The following DGKI variants were observed in gnomAD, a reference collection of about 807,000 sequenced individuals.
DGKI encodes the protein DAG kinase iota.
A neutral mutation model predicts 147.5 loss-of-function variants in DGKI; 55 were observed. The observed-to-expected ratio is 0.37, with a 90% confidence interval of 0.30 to 0.47. The LOEUF (loss-of-function observed/expected upper bound fraction) is 0.47. DGKI is among the 20% of genes least tolerant of loss of function. The probability of loss-of-function intolerance (pLI) is 1.00; values close to 1 mark genes in which losing one functional copy is unlikely to be tolerated. For synonymous variants in DGKI, 469 were observed against 477.1 expected (o/e 0.98, Z 0.22); for missense variants, 1,007 against 1,323.8 (o/e 0.76, Z 3.71).
chr7:137,632,987 C>A (rs1821186292), intron 6 of DGKI, among the ~76,000 whole-genome samples: 2 of 151,866 alleles, frequency 1.3e-5, no homozygotes, highest in Admixed American at 1.3e-4. Context: ...CCGAGGTGGG[C>A]AGATCACCTG....
At chr7:137,436,887 G>A (rs1435610355) in intron 28 of DGKI, among the ~76,000 whole-genome samples, 2 of 151,958 alleles carry the variant, frequency 1.3e-5, no homozygotes, top group Non-Finnish European at 2.9e-5. Flanking sequence ...AACAGACCAA[G>A]GGGAAAAAAA....
rs1203107084 is a variant in DGKI, at chr7:137,391,229, A to C, written c.3165T>G (p.Thr1055=). The C allele has an allele frequency of 6.2e-7, 1 of 1,613,704 alleles. No homozygotes were observed. The highest frequency in any genetic ancestry group is 1.7e-5 in the Admixed American group (1 of 60,016). The change falls in exon 33 of 33, where the codon ACT becomes ACG. Residue 1055 remains threonine, a synonymous_variant. Coordinates refer to ENST00000614521, the MANE Select transcript of DGKI (RefSeq NM_001321708.2). ...TGCCCGAATACCAGGGTCAAACAGCAGTTTCCAGGTCCTCATGGCCAATGA... is the reference window on the plus strand; with the variant it reads ...TGCCCGAATACCAGGGTCAAACAGCCGTTTCCAGGTCCTCATGGCCAATGA... ...YKVIGHEDLE[T]AV is the part of the protein sequence containing the mutation.
At chr7:137,712,606 T>G (rs1292452553) in intron 1 of DGKI, among the ~76,000 whole-genome samples, 1 of 152,212 alleles carries the variant, frequency 6.6e-6, no homozygotes, top group Non-Finnish European at 1.5e-5. Context: ...CAAATGGTAT[T>G]TAACTGAGAT....
intron 27 of DGKI, among the ~76,000 whole-genome samples, chr7:137,457,417 T>C (rs1018237753): frequency 1.2e-4 from 18 of 152,206 alleles, no homozygotes; most frequent in African/African-American, 4.1e-4. Flanking sequence ...ATAAGCACAA[T>C]TACCCTTTTT....
chr7:137,675,877 A>C (rs1022097077), intron 3 of DGKI, among the ~76,000 whole-genome samples: 2 of 152,150 alleles, frequency 1.3e-5, no homozygotes, highest in African/African-American at 4.8e-5. Context: ...ACAGATAGCA[A>C]GTCACTTCTC....
chr7:137,384,658 A>G lies in DGKI; in HGVS notation c.*6562T>C, dbSNP rs769920217. 2.0e-5 allele frequency: 3 copies of G among 152,040 alleles called. No individual in the cohort carries two copies. Among genetic ancestry groups the G allele is most frequent in the Non-Finnish European group, 4.4e-5 (3 of 67,970 alleles). 9.4% of individuals were successfully genotyped at this position (152,040 alleles called of 1,614,324 possible). Reference sequence around the variant, plus strand: ...CTCGTTGGGGTTGTTTTGAACCCCAACTGAAGCTCAAACATGTCAATACAT... The same window carrying G: ...CTCGTTGGGGTTGTTTTGAACCCCAGCTGAAGCTCAAACATGTCAATACAT... On this transcript the variant is annotated 3_prime_UTR_variant, in exon 33 of 33. Transcript: ENST00000614521.
At chr7:137,769,126 A>G (rs2116840996) in intron 1 of DGKI, among the ~76,000 whole-genome samples, 1 of 152,352 alleles carries the variant, frequency 6.6e-6, no homozygotes, top group African/African-American at 2.4e-5. Flanking sequence ...ACGGAGCCCT[A>G]CTACATGATA....
At chr7:137,391,959 A>C (rs1811381535) in intron 32 of DGKI, among the ~76,000 whole-genome samples, 1 of 152,326 alleles carries the variant, frequency 6.6e-6, no homozygotes, top group South Asian at 2.1e-4. Flanking sequence ...AAAAGCACAA[A>C]GAAGAAAAGG....
chr7:137,662,078 G>A (rs544166017), intron 3 of DGKI, among the ~76,000 whole-genome samples: 1 of 152,240 alleles, frequency 6.6e-6, no homozygotes, highest in South Asian at 2.1e-4. Flanking sequence ...ATTGGCATTA[G>A]GAAAAATGAA....
At chr7:137,527,842 G>C (rs1817205102) in intron 20 of DGKI, among the ~76,000 whole-genome samples, 2 of 152,062 alleles carry the variant, frequency 1.3e-5, no homozygotes, top group South Asian at 4.1e-4. Context: ...TCATAATCTA[G>C]ATATAATAAA....
At chr7:137,777,869 G>A (rs891176671) in intron 1 of DGKI, among the ~76,000 whole-genome samples, 3 of 152,008 alleles carry the variant, frequency 2.0e-5, no homozygotes, top group Admixed American at 6.6e-5. Context: ...GAAGACAAAG[G>A]GAAAATATTT....
chr7:137,816,825 C>A (rs1797751023), intron 1 of DGKI, among the ~76,000 whole-genome samples: 1 of 152,074 alleles, frequency 6.6e-6, no homozygotes, highest in African/African-American at 2.4e-5. Flanking sequence ...ATGATGCAAT[C>A]CAAATGTAAA....
At chr7:137,535,583 G>A (rs1563073289) in intron 20 of DGKI, among the ~76,000 whole-genome samples, 1 of 151,666 alleles carries the variant, frequency 6.6e-6, no homozygotes, top group Non-Finnish European at 1.5e-5. Flanking sequence ...CTTATTCCCT[G>A]CACACTCAAG....
At chr7:137,405,952 G>A (rs1811930790) in intron 30 of DGKI, among the ~76,000 whole-genome samples, 1 of 152,164 alleles carries the variant, frequency 6.6e-6, no homozygotes. Flanking sequence ...CTAGGACTAG[G>A]GGAGGAAATA....
intron 19 of DGKI, among the ~76,000 whole-genome samples, chr7:137,567,560 A>G (rs1442601412): frequency 1.3e-5 from 2 of 152,178 alleles, no homozygotes; most frequent in East Asian, 3.9e-4. Context: ...AGGACAAATG[A>G]CCAGTTTCTT....
At chr7:137,722,248 G>C (rs1038592676) in intron 1 of DGKI, 8 of 1,604,710 alleles carry the variant, frequency 5.0e-6, no homozygotes, top group East Asian at 4.5e-5. Context: ...GAAGGAGAAG[G>C]TTCTTGCAAC....
Position 137,391,171 on chromosome 7 carries a change from G to A in DGKI, c.*49C>T. 7.3e-7 allele frequency: 1 copy of A among 1,376,250 alleles called. No individual in the cohort carries two copies. Among genetic ancestry groups the A allele is most frequent in the Non-Finnish European group, 1.0e-6 (1 of 964,392 alleles). The allele number at this position is 1,376,250 out of a possible 1,614,324, so 85.3% of individuals were successfully genotyped here. On this transcript the variant is annotated 3_prime_UTR_variant, in exon 33 of 33. Transcript: ENST00000614521. ...CAGGGGAGCTGCCCAATTGCAGGGA[G>A]GGCAGATGTGATACGCTTGCTCATG...
chr7:137,493,953 T>C (rs1013902209), intron 21 of DGKI: 1 of 552,526 alleles, frequency 1.8e-6, no homozygotes, highest in Non-Finnish European at 3.2e-6. Context: ...ATACAGCAGA[T>C]GAAAGATGAA....
chr7:137,740,753 T>C (rs899256996), intron 1 of DGKI, among the ~76,000 whole-genome samples: 6 of 152,344 alleles, frequency 3.9e-5, no homozygotes, highest in Admixed American at 3.9e-4. Context: ...GGTGACATAA[T>C]GCTCAGCACA....
Sources: gnomAD v4.1 joint callset for allele counts (sites outside exome capture counted in the v4.1 genomes callset) on GRCh38, gnomAD v4.1.1 for gene constraint, MANE v1.5 for transcripts, NCBI Gene and HGNC (gene_info 2026-07-23, HGNC 2026-07-21) for gene names.